HMGCLL1: variants seen among roughly 807,000 people sequenced by gnomAD.
HMGCLL1 encodes the protein 3-hydroxymethyl-3-methylglutaryl-CoA lyase, cytoplasmic.
Under a neutral mutation model 39.1 loss-of-function variants are expected in HMGCLL1, and 36 were observed. The observed-to-expected ratio is 0.92, with a 90% CI of 0.71 to 1.22. The LOEUF is 1.22. HMGCLL1 is among the 50% of genes most tolerant of loss of function. HMGCLL1 has a pLI of 0.00. For synonymous variants in HMGCLL1, 149 were observed against 144.0 expected (o/e 1.03, Z -0.25); for missense variants, 451 against 416.5 (o/e 1.08, Z -0.72).
At chr6:55,486,571 G>GACATCCACCTATTTTCCAAACTTGC (rs1766044951) in intron 7 of HMGCLL1, among the ~76,000 whole-genome samples, 1 of 151,980 alleles carries the variant, frequency 6.6e-6, no homozygotes, top group South Asian at 2.1e-4. Context: ...ATATTTTAAT[G>GACATCCACCTATTTTCCAAACTTGC]ACATCCACCT....
At chr6:55,576,808 C>A (rs1483419823) in intron 1 of HMGCLL1, among the ~76,000 whole-genome samples, 2 of 152,124 alleles carry the variant, frequency 1.3e-5, no homozygotes, top group Middle Eastern at 3.4e-3. Context: ...GCATTCCCTG[C>A]AATAGGAAAT....
At chr6:55,562,486 C>A (rs944271286) in intron 1 of HMGCLL1, among the ~76,000 whole-genome samples, 5 of 152,052 alleles carry the variant, frequency 3.3e-5, no homozygotes, top group African/African-American at 9.7e-5. Flanking sequence ...TTGGTAAAGG[C>A]CTCAACATCT....
chr6:55,645,950 A>G, the HMGCLL1 span, among the ~76,000 whole-genome samples: 3 of 152,072 alleles, frequency 2.0e-5, no homozygotes, highest in South Asian at 6.2e-4. Flanking sequence ...ATGATTTGGA[A>G]TAATTTGAGT....
rs905305380 is a variant in HMGCLL1 at position 55,447,358 on chromosome 6, G to A, written c.796-7799C>T. Among the ~76,000 whole-genome samples, 5 of 151,976 alleles carry A rather than the reference G, an allele frequency of 3.3e-5. 1 individual carries two copies. The highest frequency in any genetic ancestry group is 7.4e-5 in the Non-Finnish European group (5 of 67,952). On this transcript the variant is annotated intron_variant, in intron 7 of 8. Coordinates refer to ENST00000274901, the MANE Select transcript of HMGCLL1 (RefSeq NM_001042406.2). ...TAAACAGGAGTATATATAAAAATTGGTAAGTAAATAATAGGATTATATATA... is the reference window on the plus strand; with the variant it reads ...TAAACAGGAGTATATATAAAAATTGATAAGTAAATAATAGGATTATATATA...
At chr6:55,573,346 C>T (rs1009134831) in intron 1 of HMGCLL1, among the ~76,000 whole-genome samples, 17 of 151,986 alleles carry the variant, frequency 1.1e-4, no homozygotes, top group African/African-American at 1.9e-4. Flanking sequence ...ATTTAAATTT[C>T]GTAGGCATAC....
chr6:55,468,815 T>C (rs1764903928), intron 7 of HMGCLL1, among the ~76,000 whole-genome samples: 1 of 152,042 alleles, frequency 6.6e-6, no homozygotes, highest in African/African-American at 2.4e-5. Context: ...CCACCTAACA[T>C]ATACCAGATA....
intron 1 of HMGCLL1, among the ~76,000 whole-genome samples, chr6:55,548,426 T>C (rs936367928): frequency 6.6e-6 from 1 of 152,098 alleles, no homozygotes; most frequent in African/African-American, 2.4e-5. Flanking sequence ...ATACATTTCA[T>C]GAACACTTGA....
At chr6:55,495,103 G>A (rs1007368069) in intron 7 of HMGCLL1, among the ~76,000 whole-genome samples, 3 of 152,124 alleles carry the variant, frequency 2.0e-5, no homozygotes, top group Admixed American at 6.5e-5. Flanking sequence ...TCGTATTTCA[G>A]TCTACTGAAT....
chr6:55,650,895 T>C, the HMGCLL1 span, among the ~76,000 whole-genome samples: 1 of 151,440 alleles, frequency 6.6e-6, no homozygotes, highest in South Asian at 2.1e-4. Flanking sequence ...TCTGTCAGCT[T>C]TTGGTGAATA....
intron 5 of HMGCLL1, among the ~76,000 whole-genome samples, chr6:55,505,412 T>C (rs1325016188): frequency 1.3e-5 from 2 of 151,690 alleles, no homozygotes; most frequent in Non-Finnish European, 3.0e-5. Context: ...TAGGAGCTAC[T>C]TTGCTACATT....
intron 3 of HMGCLL1, among the ~76,000 whole-genome samples, chr6:55,540,674 A>G (rs1040834589): frequency 2.0e-5 from 3 of 152,190 alleles, no homozygotes; most frequent in African/African-American, 7.2e-5. Flanking sequence ...AACTGGATAC[A>G]AAGTCAGCTC....
intron 3 of HMGCLL1, among the ~76,000 whole-genome samples, chr6:55,523,182 G>A (rs1244579126): frequency 6.6e-6 from 1 of 151,846 alleles, no homozygotes; most frequent in Non-Finnish European, 1.5e-5. Context: ...CTGATAAAGG[G>A]CTCAAATTGT....
chr6:55,556,454 G>A (rs1210881071), intron 1 of HMGCLL1, among the ~76,000 whole-genome samples: 2 of 152,108 alleles, frequency 1.3e-5, no homozygotes, highest in Non-Finnish European at 1.5e-5. Flanking sequence ...TGTGCCCAGG[G>A]TGTTAACTGT....
chr6:55,634,580 G>A, the HMGCLL1 span, among the ~76,000 whole-genome samples: 6 of 152,100 alleles, frequency 3.9e-5, no homozygotes, highest in South Asian at 1.2e-3. Flanking sequence ...TCCTGCAGTT[G>A]AGATGTCCAT....
chr6:55,516,609 A>G lies in HMGCLL1; in HGVS notation c.298-6T>C, dbSNP rs773837748. On this transcript the variant is annotated splice_region_variant and splice_polypyrimidine_tract_variant and intron_variant, in intron 3 of 8. Transcript: ENST00000274901. ...ACTTCAGTGTGATCAGCCATCTTAA[A>G]TACATAATAGTTATATGTAAATGTG... 6.4e-7 allele frequency: 1 copy of G among 1,565,116 alleles called. No homozygotes were observed. The highest frequency in any genetic ancestry group is 8.8e-7 in the Non-Finnish European group (1 of 1,141,652).
chr6:55,459,551 T>C (rs1335537996), intron 7 of HMGCLL1, among the ~76,000 whole-genome samples: 4 of 152,084 alleles, frequency 2.6e-5, no homozygotes, highest in African/African-American at 9.7e-5. Context: ...ATGTTAGCTC[T>C]GACATAATGC....
the HMGCLL1 span, among the ~76,000 whole-genome samples, chr6:55,673,533 A>G: frequency 1.3e-5 from 2 of 152,048 alleles, no homozygotes; most frequent in Non-Finnish European, 2.9e-5. Flanking sequence ...GCGAACGAAC[A>G]TGCTTTGGAG....
the HMGCLL1 span, among the ~76,000 whole-genome samples, chr6:55,585,887 G>A: frequency 6.6e-6 from 1 of 152,054 alleles, no homozygotes; most frequent in East Asian, 1.9e-4. Context: ...CATTCCTGTG[G>A]CAACATCTTA....
chr6:55,608,254 T>C, the HMGCLL1 span, among the ~76,000 whole-genome samples: 1 of 152,222 alleles, frequency 6.6e-6, no homozygotes, highest in Non-Finnish European at 1.5e-5. Context: ...ATGGGGACAC[T>C]GTTACTTATA....
Sources: gnomAD v4.1 joint callset for allele counts (sites outside exome capture counted in the v4.1 genomes callset) on GRCh38, gnomAD v4.1.1 for gene constraint, MANE v1.5 for transcripts, NCBI Gene and HGNC (gene_info 2026-07-23, HGNC 2026-07-21) for gene names.